ASB4: variants seen among roughly 807,000 people sequenced by gnomAD.
ASB4 encodes ankyrin repeat and SOCS box containing 4.
Under a neutral mutation model 38.6 loss-of-function variants are expected in ASB4, and 35 were observed. The observed-to-expected ratio is 0.91, with a 90% confidence interval of 0.69 to 1.20. The LOEUF (loss-of-function observed/expected upper bound fraction) is 1.20, where lower values mean the gene tolerates loss of function less well. Ranked by LOEUF, ASB4 falls within the 50% of genes most tolerant of loss-of-function variation. ASB4 has a pLI of 0.00. For synonymous variants in ASB4, 195 were observed against 201.3 expected, an observed-to-expected ratio of 0.97 and a Z score of 0.26; for missense variants, 557 against 527.2, an observed-to-expected ratio of 1.06 and a Z score of -0.55.
intron 2 of ASB4, among the ~76,000 whole-genome samples, chr7:95,500,999 T>G (rs1339805247): frequency 1.3e-5 from 2 of 152,240 alleles, no homozygotes; most frequent in East Asian, 1.9e-4. Context: ...TACTCATTCA[T>G]TTATGTTTAG....
intron 1 of ASB4, 63 bp from the exon 2 acceptor site, chr7:95,495,695 A>AACAGGG (rs1475452420): frequency 1.3e-6 from 2 of 1,484,856 alleles, no homozygotes; most frequent in Non-Finnish European, 1.8e-6. Flanking sequence ...ATCCTCACAA[A>AACAGGG]ACAGGGAGAA....
chr7:95,501,748 C>T (rs967395703), intron 2 of ASB4, among the ~76,000 whole-genome samples: 3 of 152,160 alleles, frequency 2.0e-5, no homozygotes, highest in Admixed American at 6.6e-5. Context: ...AGTTATTCCC[C>T]ATCTCTTTTG....
chr7:95,482,812 A>T (rs1790031846), upstream of ASB4, among the ~76,000 whole-genome samples: 1 of 152,188 alleles, frequency 6.6e-6, no homozygotes, highest in Non-Finnish European at 1.5e-5. Context: ...CAGGGGTCAG[A>T]TGGCATGTAC....
chr7:95,544,864 T>C (rs1421841215), downstream of ASB4, among the ~76,000 whole-genome samples: 2 of 151,938 alleles, frequency 1.3e-5, no homozygotes, highest in Non-Finnish European at 2.9e-5. Context: ...CCAGCTAATT[T>C]TTCTATTTTT....
In ASB4 at chr7:95,537,709, T is replaced by C. The variant is rs1790915616; in HGVS notation, c.1231T>C (p.Leu411=). 5.6e-6 allele frequency: 9 copies of C among 1,613,898 alleles called. No individual in the cohort carries two copies. The highest frequency in any genetic ancestry group is 6.8e-6 in the Non-Finnish European group (8 of 1,179,840). The change falls in exon 5 of 5, where the codon TTG becomes CTG. Residue 411 remains leucine, a synonymous_variant. Transcript: ENST00000325885. The part of the protein sequence containing the change: ...HRAIPLLSLP[L]SLKKYLLLEP... The stretch of plus-strand genomic sequence containing the variant: ...AGCAATTCCTTTGCTTTCCCTCCCA[T>C]TGTCATTGAAAAAGTACTTGCTTTT...
At chr7:95,473,966 C>G (rs376645768), upstream of ASB4, 1 of 152,190 alleles carries the variant, frequency 6.6e-6, no homozygotes, top group Non-Finnish European at 1.5e-5. Flanking sequence ...GCTTCACCTT[C>G]CTTAACTGAA....
intron 2 of ASB4, among the ~76,000 whole-genome samples, chr7:95,506,649 T>C (rs773598978): frequency 3.3e-5 from 5 of 152,086 alleles, no homozygotes; most frequent in Admixed American, 6.5e-5. Flanking sequence ...CATTTTTTTA[T>C]GTGAATTTTT....
intron 2 of ASB4, among the ~76,000 whole-genome samples, chr7:95,502,850 A>T (rs1790360405): frequency 1.3e-5 from 2 of 152,194 alleles, no homozygotes; most frequent in Non-Finnish European, 2.9e-5. Context: ...GAGTCTCAAA[A>T]AATTGCTTGA....
chr7:95,483,517 T>C (rs1211377601), upstream of ASB4, among the ~76,000 whole-genome samples: 1 of 152,218 alleles, frequency 6.6e-6, no homozygotes, highest in African/African-American at 2.4e-5. Context: ...AATTAAATTG[T>C]CCTTCTTTTT....
At chr7:95,496,472 T>A (rs1790249843) in intron 2 of ASB4, among the ~76,000 whole-genome samples, 1 of 152,174 alleles carries the variant, frequency 6.6e-6, no homozygotes, top group Admixed American at 6.5e-5. Context: ...GAGTTATGAA[T>A]GAGGATGTCA....
In ASB4 at chr7:95,507,955, T is replaced by C. The variant is rs116549850; in HGVS notation, c.487+11898T>C. Among the ~76,000 whole-genome samples, 1,124 of 152,020 alleles carry C rather than the reference T, an allele frequency of 7.4e-3. 13 individuals carry two copies. The highest frequency in any genetic ancestry group is 0.026 in the African/African-American group (1,066 of 41,448). ...GATGCAGAAGTCAGAGTGGGGGGGATTGAGAACTAAAAAGGAGGGTGTCTG... is the reference window on the plus strand; with the variant it reads ...GATGCAGAAGTCAGAGTGGGGGGGACTGAGAACTAAAAAGGAGGGTGTCTG... On this transcript the variant is annotated intron_variant, in intron 2 of 4. Transcript: ENST00000325885.
chr7:95,473,995 C>T (rs1256724766), upstream of ASB4: 1 of 152,156 alleles, frequency 6.6e-6, no homozygotes, highest in African/African-American at 2.4e-5. Context: ...CATAAGTTAC[C>T]TCCAGAACTC....
At chr7:95,548,624 A>C in the ASB4 span, among the ~76,000 whole-genome samples, 1 of 152,208 alleles carries the variant, frequency 6.6e-6, no homozygotes, top group African/African-American at 2.4e-5. Flanking sequence ...CTATGAGGAA[A>C]TGAGGACTAG....
intron 1 of ASB4, among the ~76,000 whole-genome samples, chr7:95,495,222 T>C (rs1292680808): frequency 6.6e-6 from 1 of 152,182 alleles, no homozygotes; most frequent in Non-Finnish European, 1.5e-5. Context: ...GCAAATAAAA[T>C]CTTGGAGTGA....
intron 1 of ASB4, among the ~76,000 whole-genome samples, chr7:95,480,896 G>T (rs1465822653): frequency 6.6e-6 from 1 of 152,132 alleles, no homozygotes; most frequent in Non-Finnish European, 1.5e-5. Flanking sequence ...TTTATTGAAT[G>T]AAGGGCTAAA....
chr7:95,539,063 TTCAC>T lies in ASB4; in HGVS notation c.*1306_*1309del, dbSNP rs1790935608. The T allele has an allele frequency of 3.4e-5, 4 of 117,962 alleles. No individual in the cohort carries two copies. The South Asian group carries it at 1.3e-3, about 39-fold the overall frequency. The allele number at this position is 117,962 out of a possible 1,614,324, so 7.3% of individuals were successfully genotyped here. On this transcript the variant is annotated 3_prime_UTR_variant, in exon 5 of 5. Coordinates refer to ENST00000325885, the MANE Select transcript of ASB4 (RefSeq NM_016116.3). ...TTGTGGTTTATGAGGTCAATTTTGC[TTCAC>T]TTTTTTTTTTGTTCTTGCTATAATC...
At chr7:95,493,985 G>T (rs1368408986) in intron 1 of ASB4, among the ~76,000 whole-genome samples, 2 of 152,166 alleles carry the variant, frequency 1.3e-5, no homozygotes, top group African/African-American at 2.4e-5. Context: ...GCATGTTCTT[G>T]TATGTAGACC....
Position 95,492,690 on chromosome 7 carries a change from C to T in ASB4, c.188-3068C>T, listed in dbSNP as rs150174034. 2.5e-3 allele frequency among the ~76,000 whole-genome samples: 375 copies of T among 152,246 alleles called. 1 individual carries two copies. The highest frequency in any genetic ancestry group is 7.9e-3 in the South Asian group (38 of 4,822). ...TTTTTCTTCCCATTGCAGAAGCAGG[C>T]GCAAATTTCCAATCAGTTGTCACAG... is the stretch of plus-strand genomic sequence containing the variant. On this transcript the variant is annotated intron_variant, in intron 1 of 4. Transcript: ENST00000325885.
chr7:95,493,531 T>C (rs2116585461), intron 1 of ASB4, among the ~76,000 whole-genome samples: 1 of 152,288 alleles, frequency 6.6e-6, no homozygotes, highest in Non-Finnish European at 1.5e-5. Context: ...AATTATTTTT[T>C]CCCCTCTGGA....
Sources: allele counts gnomAD v4.1 joint callset (sites outside exome capture counted in the v4.1 genomes callset), GRCh38; gene constraint gnomAD v4.1.1; transcripts MANE v1.5; gene names NCBI Gene and HGNC (gene_info 2026-07-23, HGNC 2026-07-21).